Variants in ALMS1 observed in about 807,000 individuals in gnomAD.
The protein encoded by ALMS1 is centrosome-associated protein ALMS1.
Under a neutral mutation model 352.2 loss-of-function variants are expected in ALMS1, and 271 were observed. That is an observed-to-expected ratio of 0.77 (90% CI 0.70 to 0.85). ALMS1 has a LOEUF of 0.85. ALMS1 is among the 40% of genes least tolerant of loss of function. The pLI, the probability that ALMS1 is intolerant of heterozygous loss-of-function variation, is 0.00. For synonymous variants in ALMS1, 1,865 were observed against 1,761.2 expected, an observed-to-expected ratio of 1.06 and a Z score of -1.48; for missense variants, 5,445 against 4,870.7, an observed-to-expected ratio of 1.12 and a Z score of -3.51.
Position 73,450,582 on chromosome 2 carries a change from A to T in ALMS1, c.4055A>T (p.His1352Leu). The T allele has an allele frequency of 6.2e-7, 1 of 1,612,598 alleles. No individual in the cohort carries two copies. The highest frequency in any genetic ancestry group is 8.5e-7 in the Non-Finnish European group (1 of 1,179,692). The change falls in exon 8 of 23, where the codon CAT becomes CTT. Residue 1352 changes from histidine (H) to leucine (L), a missense_variant. Coordinates refer to ENST00000613296, the MANE Select transcript of ALMS1 (RefSeq NM_001378454.1). Reference protein sequence around the residue: ...VFYQQVLPHSHPTEEALKISV... With the variant: ...VFYQQVLPHSLPTEEALKISV... Reference sequence around the variant, plus strand: ...TACCAACAGGTCTTGCCACATAGTCATCCAACTGAAGAGGCTCTGAAAATT... The same window carrying T: ...TACCAACAGGTCTTGCCACATAGTCTTCCAACTGAAGAGGCTCTGAAAATT...
intron 10 of ALMS1, among the ~76,000 whole-genome samples, chr2:73,510,236 T>C (rs973396572): frequency 6.6e-6 from 1 of 152,218 alleles, no homozygotes; most frequent in African/African-American, 2.4e-5. Context: ...GTCAAACTTA[T>C]TCTCCATCCA....
intron 13 of ALMS1, among the ~76,000 whole-genome samples, chr2:73,553,532 A>T (rs1196202245): frequency 6.6e-6 from 1 of 152,214 alleles, no homozygotes; most frequent in East Asian, 1.9e-4. Context: ...TGGCACATAG[A>T]AACTCAGAAA....
At chr2:73,486,405 T>C (rs1407146227) in intron 9 of ALMS1, among the ~76,000 whole-genome samples, 1 of 152,120 alleles carries the variant, frequency 6.6e-6, no homozygotes, top group Non-Finnish European at 1.5e-5. Context: ...CTGGTGTTGG[T>C]GTGAGTGGGT....
In ALMS1 at chr2:73,557,209, C is replaced by T. The variant is rs368250605; in HGVS notation, c.10079-11C>T. 3.0e-4 allele frequency: 482 copies of T among 1,613,864 alleles called. 1 individual carries two copies. In the African/African-American group the frequency reaches 4.3e-3, roughly 14 times the overall value. On this transcript the variant is annotated splice_polypyrimidine_tract_variant and intron_variant, in intron 13 of 22. Transcript: ENST00000613296. ...TTCCTTTTCTGAAATCAAATGATGTCGTTATTCCAGATGCCTCAGTTCAAG... is the reference window on the plus strand; with the variant it reads ...TTCCTTTTCTGAAATCAAATGATGTTGTTATTCCAGATGCCTCAGTTCAAG...
intron 10 of ALMS1, among the ~76,000 whole-genome samples, chr2:73,513,466 C>G (rs1673493825): frequency 6.6e-6 from 1 of 152,120 alleles, no homozygotes; most frequent in Non-Finnish European, 1.5e-5. Flanking sequence ...TCAGGCTACG[C>G]CATTTAGACA....
At position 73,424,759 on chromosome 2, in the gene ALMS1, A is replaced by T; in HGVS notation, c.1094A>T (p.Asp365Val). The T allele has an allele frequency of 6.2e-7, 1 of 1,613,984 alleles. No homozygotes were observed. ...QWPENNLADK[D>V]QVSVATSFDI... ...CCTGAAAACAATTTAGCTGATAAAG[A>T]TCAAGTTTCAGTTGCAACTTCATTT... Residue 365 changes from aspartate (D) to valine (V), a missense_variant, in exon 5 of 23, where the codon GAT (aspartate) becomes GTT (valine). Physicochemically the swap from Asp to Val is radical, Grantham distance 152. Coordinates refer to ENST00000613296, the MANE Select transcript of ALMS1 (RefSeq NM_001378454.1).
chr2:73,446,930 A>T (rs1671820584), intron 7 of ALMS1, among the ~76,000 whole-genome samples: 1 of 152,170 alleles, frequency 6.6e-6, no homozygotes, highest in Non-Finnish European at 1.5e-5. Flanking sequence ...TATACGTAAA[A>T]AATAGATAAT....
chr2:73,465,408 A>T (rs1672312549), intron 9 of ALMS1, among the ~76,000 whole-genome samples: 3 of 152,176 alleles, frequency 2.0e-5, no homozygotes, highest in Admixed American at 1.3e-4. Flanking sequence ...TATTTAATAA[A>T]TGGTGCTGGG....
chr2:73,551,277 A>G (rs1001708374), intron 13 of ALMS1, among the ~76,000 whole-genome samples: 1 of 152,128 alleles, frequency 6.6e-6, no homozygotes, highest in African/African-American at 2.4e-5. Flanking sequence ...TCATGGTGGT[A>G]ATCAGCTGCA....
chr2:73,470,293 G>GA (rs2103839980), intron 9 of ALMS1: 1 of 151,226 alleles, frequency 6.6e-6, no homozygotes, highest in South Asian at 2.1e-4. Flanking sequence ...GCTTATTTGA[G>GA]ATCTTTCTTC....
intron 7 of ALMS1, among the ~76,000 whole-genome samples, chr2:73,447,244 A>G (rs1184327744): frequency 6.6e-6 from 1 of 152,168 alleles, no homozygotes; most frequent in African/African-American, 2.4e-5. Context: ...GAACATTTCT[A>G]TAGAAATGTT....
At chr2:73,439,341 C>T (rs774131300) in intron 7 of ALMS1, among the ~76,000 whole-genome samples, 1 of 151,936 alleles carries the variant, frequency 6.6e-6, no homozygotes, top group Non-Finnish European at 1.5e-5. Flanking sequence ...TTTTCAGCTC[C>T]TGGCCTTTCA....
rs747669538 is a variant in ALMS1, at chr2:73,490,140, C to G, written c.8181C>G (p.Ser2727=). 22 of 1,614,026 alleles carry G rather than the reference C, an allele frequency of 1.4e-5. No individual in the cohort carries two copies. The South Asian group carries it at 2.4e-4, about 18-fold the overall frequency. The change falls in exon 10 of 23, where the codon TCC becomes TCG. Residue 2727 remains serine, a synonymous_variant. Transcript: ENST00000613296. ...CTCACCGACATTCTAAATGCATTTC[C>G]AATTCCTCTGTTGTTAAGGTTGGTG... ...FSSHRHSKCI[S]NSSVVKVGVT... is the part of the protein sequence containing the mutation.
At chr2:73,499,558 A>C (rs2103916277) in intron 10 of ALMS1, among the ~76,000 whole-genome samples, 1 of 152,244 alleles carries the variant, frequency 6.6e-6, no homozygotes, top group East Asian at 1.9e-4. Flanking sequence ...TTCTAGCTTC[A>C]TTCTTCTGCA....
chr2:73,467,281 A>C (rs759227341), intron 9 of ALMS1, among the ~76,000 whole-genome samples: 2 of 152,140 alleles, frequency 1.3e-5, no homozygotes, highest in African/African-American at 2.4e-5. Context: ...GAAGTCATGC[A>C]AATCAATTAT....
At chr2:73,529,829 G>T (rs937718275) in intron 11 of ALMS1, among the ~76,000 whole-genome samples, 2 of 152,148 alleles carry the variant, frequency 1.3e-5, no homozygotes, top group Admixed American at 1.3e-4. Flanking sequence ...ATGGCAGAAG[G>T]TGAAGGGAAA....
chr2:73,404,805 T>C (rs577644639), intron 1 of ALMS1, among the ~76,000 whole-genome samples: 2 of 151,700 alleles, frequency 1.3e-5, no homozygotes, highest in African/African-American at 2.4e-5. Flanking sequence ...TGTTCCCTCC[T>C]GTGCAATTTT....
Position 73,450,472 on chromosome 2 carries a change from G to A in ALMS1, c.3945G>A (p.Ala1315=), listed in dbSNP as rs201474138. The change falls in exon 8 of 23, where the codon GCG becomes GCA. Residue 1315 remains alanine (A), a synonymous_variant. Transcript: ENST00000613296. ...HLTEEAKNVS[A]VPGPADQKTV... is the part of the protein sequence containing the mutation. ...CTGAAGAGGCTAAGAATGTTTCAGCGGTTCCTGGACCAGCTGACCAGAAGA... is the reference window on the plus strand; with the variant it reads ...CTGAAGAGGCTAAGAATGTTTCAGCAGTTCCTGGACCAGCTGACCAGAAGA... The A allele has an allele frequency of 5.2e-5, 84 of 1,604,130 alleles. No homozygotes were observed. In the African/African-American group the frequency reaches 7.7e-4, roughly 15 times the overall value.
At chr2:73,499,055 C>T (rs1426417641) in intron 10 of ALMS1, among the ~76,000 whole-genome samples, 1 of 152,160 alleles carries the variant, frequency 6.6e-6, no homozygotes. Context: ...AATTTACATT[C>T]CAAGCAATAG....
Sources: allele counts gnomAD v4.1 joint callset (sites outside exome capture counted in the v4.1 genomes callset), GRCh38; gene constraint gnomAD v4.1.1; transcripts MANE v1.5; gene names NCBI Gene and HGNC (gene_info 2026-07-23, HGNC 2026-07-21).